Variants in METTL24 observed in about 807,000 individuals in gnomAD.
METTL24 encodes methyltransferase like 24.
METTL24 carries 29 observed loss-of-function variants against 32.7 expected under a neutral mutation model. The ratio of observed to expected loss-of-function variants is 0.89; its 90% CI spans 0.66 to 1.21. The LOEUF (loss-of-function observed/expected upper bound fraction) is 1.21. Ranked by LOEUF, METTL24 falls within the 50% of genes most tolerant of loss-of-function variation. The pLI, the probability that METTL24 is intolerant of heterozygous loss-of-function variation, is 0.00. For synonymous variants in METTL24, 163 were observed against 179.5 expected (o/e 0.91, Z 0.73); for missense variants, 439 against 468.1 (o/e 0.94, Z 0.57).
intron 2 of METTL24, among the ~76,000 whole-genome samples, chr6:110,319,218 G>T (rs1193100003): frequency 6.6e-6 from 1 of 152,012 alleles, no homozygotes; most frequent in East Asian, 1.9e-4. Flanking sequence ...CACTATTTTT[G>T]AAAGACTCGA....
intron 4 of METTL24, among the ~76,000 whole-genome samples, chr6:110,274,483 T>C (rs1771010088): frequency 6.6e-6 from 1 of 152,092 alleles, no homozygotes; most frequent in African/African-American, 2.4e-5. Flanking sequence ...ATAAGAATAA[T>C]ACAATGAACT....
In METTL24 at chr6:110,295,013, C is replaced by CTTTTTTTTTTTTTTTTTTTTTTTT. The variant is rs1195740747; in HGVS notation, c.786+3885_786+3908dup. ...ATTGCTTTTCTTTTTTTCTTTCTTT[C>CTTTTTTTTTTTTTTTTTTTTTTTT]TTTTTTTTTTTTTTTTTTTTTTTTT... On this transcript the variant is annotated intron_variant, in intron 4 of 4. Coordinates refer to ENST00000338882, the MANE Select transcript of METTL24 (RefSeq NM_001123364.3). 1.9e-4 allele frequency among the ~76,000 whole-genome samples: 15 copies of CTTTTTTTTTTTTTTTTTTTTTTTT among 78,128 alleles called. 1 individual carries two copies. Among genetic ancestry groups the CTTTTTTTTTTTTTTTTTTTTTTTT allele is most frequent in the African/African-American group, 6.0e-4 (11 of 18,332 alleles). The allele number at this position is 78,128 out of a possible 152,430, so 51.3% of individuals were successfully genotyped here. A position where few individuals can be genotyped will look rare whatever the true frequency, so the allele number is the denominator to read the frequency against.
chr6:110,341,512 C>T (rs1582439654), intron 1 of METTL24, among the ~76,000 whole-genome samples: 1 of 152,266 alleles, frequency 6.6e-6, no homozygotes, highest in South Asian at 2.1e-4. Context: ...ATAACCAGTT[C>T]AAATTTTTTT....
At chr6:110,290,980 A>G (rs867681344) in intron 4 of METTL24, among the ~76,000 whole-genome samples, 1 of 151,946 alleles carries the variant, frequency 6.6e-6, no homozygotes, top group Non-Finnish European at 1.5e-5. Flanking sequence ...ATCTTTTCAT[A>G]TGTGTTTTTG....
chr6:110,346,132 C>T (rs1033325780), intron 1 of METTL24, among the ~76,000 whole-genome samples: 6 of 152,154 alleles, frequency 3.9e-5, no homozygotes, highest in Non-Finnish European at 4.4e-5. Flanking sequence ...TAATGCAATA[C>T]CCTGATTCAG....
At chr6:110,283,770 T>C (rs924946581) in intron 4 of METTL24, among the ~76,000 whole-genome samples, 2 of 152,106 alleles carry the variant, frequency 1.3e-5, no homozygotes, top group African/African-American at 2.4e-5. Flanking sequence ...GTTATGGTGG[T>C]TCCTCAAAAA....
Position 110,245,163 on chromosome 6 carries a change from T to A in METTL24, c.*783A>T, listed in dbSNP as rs1778129630. ...TATTTAAATCAGTAGACTAAATAAATCAGATTCTTCACCTCAGTGTAAGTG... is the reference window on the plus strand; with the variant it reads ...TATTTAAATCAGTAGACTAAATAAAACAGATTCTTCACCTCAGTGTAAGTG... On this transcript the variant is annotated 3_prime_UTR_variant, in exon 5 of 5. Transcript: ENST00000338882. Among the ~76,000 whole-genome samples, 1 of 152,222 alleles carries A rather than the reference T, an allele frequency of 6.6e-6. No homozygotes were observed. The highest frequency in any genetic ancestry group is 1.5e-5 in the Non-Finnish European group (1 of 68,040).
intron 1 of METTL24, among the ~76,000 whole-genome samples, chr6:110,334,969 T>TGA (rs777467624): frequency 2.9e-4 from 44 of 152,200 alleles, no homozygotes; most frequent in Non-Finnish European, 5.3e-4. Context: ...TTATAGTGGC[T>TGA]GACAAGTTAG....
rs534440120 is a variant in METTL24 at position 110,322,222 on chromosome 6, A to G, written c.417+552T>C. Among the ~76,000 whole-genome samples the G allele has an allele frequency of 2.0e-5, 3 of 152,310 alleles. No individual in the cohort carries two copies. The East Asian group carries it at 5.8e-4, about 29-fold the overall frequency. On this transcript the variant is annotated intron_variant, in intron 2 of 4. Transcript: ENST00000338882. ...AGGAACTACCACAATGTGTTAAGTCACTAATAAAGGCCCGTGCTCAGTAAT... is the reference window on the plus strand; with the variant it reads ...AGGAACTACCACAATGTGTTAAGTCGCTAATAAAGGCCCGTGCTCAGTAAT...
At chr6:110,349,570 G>T (rs1772553066) in intron 1 of METTL24, among the ~76,000 whole-genome samples, 1 of 152,210 alleles carries the variant, frequency 6.6e-6, no homozygotes, top group South Asian at 2.1e-4. Context: ...CATGAAAAAG[G>T]GCTTGGTGTT....
intron 4 of METTL24, among the ~76,000 whole-genome samples, chr6:110,291,253 TA>T (rs1372428727): frequency 6.6e-6 from 1 of 152,174 alleles, no homozygotes; most frequent in African/African-American, 2.4e-5. Flanking sequence ...ATATACTGTC[TA>T]AAAAATGTTT....
At chr6:110,338,096 A>G (rs975677363) in intron 1 of METTL24, among the ~76,000 whole-genome samples, 11 of 152,226 alleles carry the variant, frequency 7.2e-5, no homozygotes, top group African/African-American at 2.4e-4. Context: ...ATTTGTTTTA[A>G]TGACTTTGGA....
At chr6:110,321,373 A>G (rs1771927348) in intron 2 of METTL24, among the ~76,000 whole-genome samples, 1 of 152,254 alleles carries the variant, frequency 6.6e-6, no homozygotes, top group Admixed American at 6.5e-5. Context: ...TTTATAAGTT[A>G]TGGAACATTA....
rs189744992 is a variant in METTL24, at chr6:110,274,609, C to T, written c.786+24313G>A. Among the ~76,000 whole-genome samples, 550 of 152,110 alleles carry T rather than the reference C, an allele frequency of 3.6e-3. 5 individuals carry two copies. The highest frequency in any genetic ancestry group is 0.011 in the African/African-American group (476 of 41,514). On this transcript the variant is annotated intron_variant, in intron 4 of 4. Transcript: ENST00000338882. Reference sequence around the variant, plus strand: ...AATCTCAGAAGTCACCACAAAAGAACTTATCCATGTAACCAAAAATCACCC... The same window carrying T: ...AATCTCAGAAGTCACCACAAAAGAATTTATCCATGTAACCAAAAATCACCC...
chr6:110,249,175 A>C (rs1778227361), intron 4 of METTL24, among the ~76,000 whole-genome samples: 1 of 152,006 alleles, frequency 6.6e-6, no homozygotes, highest in Non-Finnish European at 1.5e-5. Flanking sequence ...TATTTTGTAT[A>C]TTTATTCCAA....
intron 3 of METTL24, among the ~76,000 whole-genome samples, chr6:110,302,707 CA>C (rs1207043578): frequency 1.3e-5 from 2 of 150,962 alleles, no homozygotes; most frequent in Non-Finnish European, 3.0e-5. Context: ...ATATATGCCT[CA>C]AAAAAGGTAA....
At chr6:110,303,222 CA>C (rs1266097587) in intron 3 of METTL24, among the ~76,000 whole-genome samples, 1 of 152,068 alleles carries the variant, frequency 6.6e-6, no homozygotes, top group Non-Finnish European at 1.5e-5. Context: ...GTTTCAAGCA[CA>C]AAATTGGGCA....
intron 4 of METTL24, among the ~76,000 whole-genome samples, chr6:110,297,856 G>A (rs769127813): frequency 2.6e-5 from 4 of 152,094 alleles, no homozygotes; most frequent in African/African-American, 4.8e-5. Context: ...AGTTAATTGC[G>A]TGTTAAAAGA....
intron 1 of METTL24, among the ~76,000 whole-genome samples, chr6:110,343,023 A>T (rs2114772903): frequency 6.6e-6 from 1 of 152,302 alleles, no homozygotes; most frequent in African/African-American, 2.4e-5. Flanking sequence ...ATCATGGACA[A>T]GTTTTGTGTA....
Sources: gnomAD v4.1 joint callset for allele counts (sites outside exome capture counted in the v4.1 genomes callset) on GRCh38, gnomAD v4.1.1 for gene constraint, MANE v1.5 for transcripts, NCBI Gene and HGNC (gene_info 2026-07-23, HGNC 2026-07-21) for gene names.